DIAPH3: variants seen among roughly 807,000 people sequenced by gnomAD.
DIAPH3 encodes the protein diaphanous related formin 3.
DIAPH3 carries 117 observed loss-of-function variants against 144.3 expected under a neutral mutation model. The ratio of observed to expected loss-of-function variants is 0.81; its 90% confidence interval spans 0.70 to 0.95. The LOEUF (loss-of-function observed/expected upper bound fraction) is 0.95, where lower values mean the gene tolerates loss of function less well. Ranked by LOEUF, DIAPH3 falls within the 40% of genes least tolerant of loss-of-function variation. The pLI is 0.00. For synonymous variants in DIAPH3, 519 were observed against 488.9 expected (o/e 1.06, Z -0.81); for missense variants, 1,421 against 1,412.7 (o/e 1.01, Z -0.09).
chr13:59,752,565 G>A (rs1018434054), intron 27 of DIAPH3, among the ~76,000 whole-genome samples: 2 of 151,808 alleles, frequency 1.3e-5, no homozygotes, highest in Non-Finnish European at 2.9e-5. Flanking sequence ...ATGGGGTTTC[G>A]TCATGTTGTG....
chr13:60,116,934 C>A (rs117582214), intron 2 of DIAPH3, among the ~76,000 whole-genome samples: 2 of 151,888 alleles, frequency 1.3e-5, no homozygotes, highest in East Asian at 3.9e-4. Flanking sequence ...AGGTTGAATA[C>A]GTTGGTTTAA....
At chr13:59,990,024 A>C (rs552092919) in intron 12 of DIAPH3, among the ~76,000 whole-genome samples, 235 of 152,076 alleles carry the variant, frequency 1.5e-3, no homozygotes, top group Non-Finnish European at 2.7e-3. Flanking sequence ...TATCATAAAC[A>C]GCATGGTACA....
intron 25 of DIAPH3, among the ~76,000 whole-genome samples, chr13:59,810,363 C>A (rs1195867173): frequency 6.6e-6 from 1 of 152,072 alleles, no homozygotes; most frequent in Non-Finnish European, 1.5e-5. Flanking sequence ...AAGTCTCTTT[C>A]TTTTAAACAA....
At chr13:59,788,636 T>C (rs1469069171) in intron 25 of DIAPH3, among the ~76,000 whole-genome samples, 1 of 152,186 alleles carries the variant, frequency 6.6e-6, no homozygotes, top group African/African-American at 2.4e-5. Context: ...TACAAGAGAT[T>C]GACTAAATAA....
At chr13:60,156,677 G>A (rs929257925) in intron 1 of DIAPH3, among the ~76,000 whole-genome samples, 1 of 151,844 alleles carries the variant, frequency 6.6e-6, no homozygotes, top group African/African-American at 2.4e-5. Flanking sequence ...GAACTTCAGA[G>A]AAGACCCTTT....
intron 24 of DIAPH3, 194 bp downstream of exon 24, chr13:59,832,913 G>C: frequency 1.8e-6 from 1 of 566,526 alleles, no homozygotes; most frequent in Non-Finnish European, 3.2e-6. Context: ...TCTGATTACA[G>C]CTTAATGTTG....
chr13:59,671,841 T>C (rs1397088019), intron 27 of DIAPH3, among the ~76,000 whole-genome samples: 1 of 152,222 alleles, frequency 6.6e-6, no homozygotes, highest in Non-Finnish European at 1.5e-5. Context: ...GAGAGCTGAA[T>C]GCCTCTTAAA....
At chr13:59,951,097 C>T (rs898185665) in intron 17 of DIAPH3, among the ~76,000 whole-genome samples, 1 of 152,030 alleles carries the variant, frequency 6.6e-6, no homozygotes, top group Non-Finnish European at 1.5e-5. Context: ...ACTATTAAGA[C>T]ACTGATGAGG....
At chr13:59,949,534 A>T (rs1466135407) in intron 17 of DIAPH3, among the ~76,000 whole-genome samples, 1 of 152,178 alleles carries the variant, frequency 6.6e-6, no homozygotes, top group Non-Finnish European at 1.5e-5. Flanking sequence ...CTATAGCCCC[A>T]TGGGCCAAGA....
intron 27 of DIAPH3, among the ~76,000 whole-genome samples, chr13:59,704,157 T>A (rs2034283404): frequency 6.6e-6 from 1 of 152,208 alleles, no homozygotes; most frequent in African/African-American, 2.4e-5. Context: ...ATTCAGTAAA[T>A]CTTATGAAGG....
At chr13:59,669,428 T>A in intron 27 of DIAPH3, among the ~76,000 whole-genome samples, 1 of 152,164 alleles carries the variant, frequency 6.6e-6, no homozygotes, top group Non-Finnish European at 1.5e-5. Context: ...ATAGAGGTGA[T>A]CAGAAGAGAG....
intron 3 of DIAPH3, among the ~76,000 whole-genome samples, chr13:60,095,548 A>T (rs1242371861): frequency 1.3e-5 from 2 of 151,648 alleles, no homozygotes; most frequent in African/African-American, 4.8e-5. Flanking sequence ...AGAGTGTCTT[A>T]TGCTAATTAA....
At chr13:59,804,457 A>G (rs755526041) in intron 25 of DIAPH3, among the ~76,000 whole-genome samples, 1 of 152,194 alleles carries the variant, frequency 6.6e-6, no homozygotes, top group Non-Finnish European at 1.5e-5. Context: ...ATCTGTGATC[A>G]TGTGCAAGTA....
At chr13:59,936,512 T>C (rs1204054560) in intron 17 of DIAPH3, among the ~76,000 whole-genome samples, 2 of 152,200 alleles carry the variant, frequency 1.3e-5, no homozygotes, top group Non-Finnish European at 2.9e-5. Context: ...ATTCACAAGC[T>C]GTGGATTAGG....
At chr13:59,937,228 T>C (rs888725538) in intron 17 of DIAPH3, among the ~76,000 whole-genome samples, 2 of 152,072 alleles carry the variant, frequency 1.3e-5, no homozygotes, top group Non-Finnish European at 2.9e-5. Context: ...CTCTCATATG[T>C]TCTCTGATGG....
intron 1 of DIAPH3, among the ~76,000 whole-genome samples, chr13:60,138,265 CAT>C (rs1566814718): frequency 6.6e-6 from 1 of 152,180 alleles, no homozygotes; most frequent in African/African-American, 2.4e-5. Flanking sequence ...TGGGAACCCA[CAT>C]GTTTAAGAAG....
chr13:59,690,048 G>C (rs1593585881), intron 27 of DIAPH3, among the ~76,000 whole-genome samples: 1 of 151,992 alleles, frequency 6.6e-6, no homozygotes, highest in East Asian at 1.9e-4. Context: ...ATGTGTTTTC[G>C]ACTTGCTCAT....
intron 2 of DIAPH3, among the ~76,000 whole-genome samples, chr13:60,118,556 C>G (rs1050628480): frequency 1.3e-5 from 2 of 151,976 alleles, no homozygotes; most frequent in South Asian, 2.1e-4. Flanking sequence ...ATAAAATCTA[C>G]TGCTTGAAAT....
intron 27 of DIAPH3, among the ~76,000 whole-genome samples, chr13:59,696,363 C>G (rs2033799636): frequency 6.6e-6 from 1 of 152,220 alleles, no homozygotes; most frequent in African/African-American, 2.4e-5. Context: ...CCATCAGTTG[C>G]TATGATTACA....
Sources: gnomAD v4.1 joint callset for allele counts (sites outside exome capture counted in the v4.1 genomes callset) on GRCh38, gnomAD v4.1.1 for gene constraint, MANE v1.5 for transcripts, NCBI Gene and HGNC (gene_info 2026-07-23, HGNC 2026-07-21) for gene names.